The following SH3D19 variants were observed in gnomAD, a reference collection of about 807,000 sequenced individuals.
The protein encoded by SH3D19 is SH3 domain containing 19, also known as SH3 domain-containing protein 19.
A neutral mutation model predicts 112.1 loss-of-function variants in SH3D19; 58 were observed. That is an observed-to-expected ratio of 0.52 (90% CI 0.42 to 0.64). The LOEUF (loss-of-function observed/expected upper bound fraction) is 0.64, where lower values mean the gene tolerates loss of function less well. Ranked by LOEUF, SH3D19 falls within the 30% of genes least tolerant of loss-of-function variation. The probability of loss-of-function intolerance (pLI) is 0.00; values close to 1 mark genes in which losing one functional copy is unlikely to be tolerated. For missense variants in SH3D19, 1,090 were observed against 1,263.4 expected, an observed-to-expected ratio of 0.86 and a Z score of 2.08; for synonymous variants, 391 against 448.5, an observed-to-expected ratio of 0.87 and a Z score of 1.62.
At chr4:151,171,502 A>G (rs1050782910) in intron 7 of SH3D19, among the ~76,000 whole-genome samples, 3 of 152,084 alleles carry the variant, frequency 2.0e-5, no homozygotes, top group African/African-American at 7.2e-5. Flanking sequence ...TGTATTTGCA[A>G]TGTTTATTCT....
intron 1 of SH3D19, among the ~76,000 whole-genome samples, chr4:151,258,299 G>C (rs555633891): frequency 1.1e-4 from 16 of 152,316 alleles, no homozygotes; most frequent in South Asian, 8.3e-4. Flanking sequence ...AAACTGACTG[G>C]TTTATTTCCC....
chr4:151,126,953 G>A (rs1749525592), intron 19 of SH3D19, among the ~76,000 whole-genome samples: 1 of 149,198 alleles, frequency 6.7e-6, no homozygotes, highest in Non-Finnish European at 1.5e-5. Flanking sequence ...TTGCCTTTGT[G>A]GACAAGAGTG....
chr4:151,255,372 T>C (rs1222103253), intron 1 of SH3D19, among the ~76,000 whole-genome samples: 1 of 145,908 alleles, frequency 6.9e-6, no homozygotes, highest in Non-Finnish European at 1.5e-5. Context: ...GCAGAGGTGC[T>C]CCTCACATCC....
intron 2 of SH3D19, among the ~76,000 whole-genome samples, chr4:151,224,788 C>T (rs1223292591): frequency 1.3e-5 from 2 of 152,138 alleles, no homozygotes; most frequent in Non-Finnish European, 2.9e-5. Flanking sequence ...CTCAAGCGAT[C>T]CTCCTGCCTC....
chr4:151,218,764 A>G (rs894396507), intron 2 of SH3D19, among the ~76,000 whole-genome samples: 6 of 152,158 alleles, frequency 3.9e-5, no homozygotes, highest in African/African-American at 1.4e-4. Flanking sequence ...TAGTACCTAT[A>G]CGTAGTCATA....
intron 1 of SH3D19, chr4:151,282,353 C>T (rs1375280404): frequency 4.3e-6 from 7 of 1,613,792 alleles, no homozygotes; most frequent in South Asian, 1.1e-5. Context: ...TGTCACAAAG[C>T]AGTTGGCAAT....
intron 9 of SH3D19, among the ~76,000 whole-genome samples, chr4:151,151,564 C>T (rs916263520): frequency 6.6e-5 from 10 of 152,064 alleles, no homozygotes; most frequent in Non-Finnish European, 1.2e-4. Flanking sequence ...TTGCCAATAA[C>T]TGTGATCATT....
chr4:151,236,491 T>G (rs1029700527), intron 1 of SH3D19, among the ~76,000 whole-genome samples: 1 of 152,214 alleles, frequency 6.6e-6, no homozygotes, highest in Admixed American at 6.5e-5. Context: ...TCTGTCTAGC[T>G]AAAGGATTGT....
At chr4:151,175,973 C>T (rs1035199019) in intron 6 of SH3D19, among the ~76,000 whole-genome samples, 4 of 151,936 alleles carry the variant, frequency 2.6e-5, no homozygotes, top group South Asian at 2.1e-4. Flanking sequence ...AGTGCTCAAG[C>T]GATCCTCTCA....
chr4:151,286,680 ATAAT>A (rs1217379253), intron 1 of SH3D19, among the ~76,000 whole-genome samples: 2 of 151,436 alleles, frequency 1.3e-5, no homozygotes, highest in African/African-American at 4.8e-5. Flanking sequence ...AAACATTTAA[ATAAT>A]TAATCCCAAT....
chr4:151,228,175 T>C (rs550815344), intron 1 of SH3D19: 1 of 412,706 alleles, frequency 2.4e-6, no homozygotes, highest in Non-Finnish European at 3.3e-6. Flanking sequence ...GATTATCTGC[T>C]GGGGGAAATT....
At chr4:151,176,108 GC>G (rs1294540236) in intron 6 of SH3D19, among the ~76,000 whole-genome samples, 1 of 152,118 alleles carries the variant, frequency 6.6e-6, no homozygotes, top group Non-Finnish European at 1.5e-5. Flanking sequence ...CTGTGCTCAA[GC>G]AATCCACCCG....
chr4:151,298,181 A>T (rs1045007012), intron 1 of SH3D19, among the ~76,000 whole-genome samples: 19 of 94,900 alleles, frequency 2.0e-4, no homozygotes, highest in South Asian at 3.5e-4. Flanking sequence ...AGAATAATAA[A>T]TTTTTTTTTT....
chr4:151,309,836 A>G (rs111243944), intron 1 of SH3D19, among the ~76,000 whole-genome samples: 12,672 of 152,072 alleles, frequency 0.083, 1,654 homozygotes, highest in African/African-American at 0.28. Context: ...CAAAAAATTT[A>G]AAAATTGGCT....
intron 1 of SH3D19, among the ~76,000 whole-genome samples, chr4:151,237,257 C>T (rs1429097353): frequency 6.6e-6 from 1 of 152,184 alleles, no homozygotes; most frequent in African/African-American, 2.4e-5. Context: ...AGACCAAGAA[C>T]CCGCCAATTT....
At chr4:151,249,098 C>A (rs560659344) in intron 1 of SH3D19, among the ~76,000 whole-genome samples, 1 of 152,208 alleles carries the variant, frequency 6.6e-6, no homozygotes, top group Admixed American at 6.5e-5. Context: ...CTATAAAACA[C>A]TCAAGGGTAT....
chr4:151,156,930 T>C (rs1162186059), intron 9 of SH3D19, among the ~76,000 whole-genome samples: 1 of 152,114 alleles, frequency 6.6e-6, no homozygotes, highest in African/African-American at 2.4e-5. Context: ...GGGATTAGTA[T>C]CCAGAATACA....
At chr4:151,186,023 G>T (rs188277775) in intron 3 of SH3D19, among the ~76,000 whole-genome samples, 1 of 152,254 alleles carries the variant, frequency 6.6e-6, no homozygotes, top group East Asian at 1.9e-4. Flanking sequence ...CTGGGCGACA[G>T]TGAGAGACCA....
At chr4:151,160,614 C>G (rs927817379) in intron 8 of SH3D19, among the ~76,000 whole-genome samples, 2 of 151,920 alleles carry the variant, frequency 1.3e-5, no homozygotes, top group African/African-American at 4.8e-5. Flanking sequence ...ACGCTAAAGC[C>G]ACCTTTTACA....
Sources: gnomAD v4.1 joint callset for allele counts (sites outside exome capture counted in the v4.1 genomes callset) on GRCh38, gnomAD v4.1.1 for gene constraint, MANE v1.5 for transcripts, NCBI Gene and HGNC (gene_info 2026-07-23, HGNC 2026-07-21) for gene names.